The following SAP30BP variants were observed in gnomAD, a reference collection of about 807,000 sequenced individuals.
The protein encoded by SAP30BP is SAP30-binding protein.
In SAP30BP, 31 loss-of-function variants were observed where a neutral mutation model predicts 46.3. The ratio of observed to expected loss-of-function variants is 0.67; its 90% CI spans 0.50 to 0.90. The LOEUF is 0.90. Ranked by LOEUF, SAP30BP falls within the 40% of genes least tolerant of loss-of-function variation. The pLI, the probability that SAP30BP is intolerant of heterozygous loss-of-function variation, is 0.00. For missense variants in SAP30BP, 312 were observed against 391.0 expected (o/e 0.80, Z 1.70); for synonymous variants, 169 against 144.2 (o/e 1.17, Z -1.23).
intron 3 of SAP30BP, among the ~76,000 whole-genome samples, chr17:75,688,558 G>A (rs2060195840): frequency 1.3e-5 from 2 of 152,020 alleles, no homozygotes; most frequent in Admixed American, 6.6e-5. Context: ...AGATGCTGGC[G>A]GCTGCCTTTG....
chr17:75,704,551 A>G (rs1377514300), intron 8 of SAP30BP, among the ~76,000 whole-genome samples: 1 of 152,226 alleles, frequency 6.6e-6, no homozygotes, highest in Non-Finnish European at 1.5e-5. Flanking sequence ...TTCCGGGCAC[A>G]CACAGGGCAT....
intron 3 of SAP30BP, 111 bp from the exon 4 acceptor site, chr17:75,693,328 TG>T: frequency 1.2e-6 from 1 of 863,552 alleles, no homozygotes; most frequent in Non-Finnish European, 1.9e-6. Context: ...TTAGTGTTCC[TG>T]GCAGTGCTTT....
intron 4 of SAP30BP, among the ~76,000 whole-genome samples, chr17:75,698,809 A>G (rs1599160752): frequency 6.6e-6 from 1 of 152,230 alleles, no homozygotes; most frequent in African/African-American, 2.4e-5. Context: ...GGCAAATGCC[A>G]CAGATCATGG....
At chr17:75,680,481 A>G (rs781659151) in intron 3 of SAP30BP, among the ~76,000 whole-genome samples, 5 of 152,128 alleles carry the variant, frequency 3.3e-5, no homozygotes, top group Non-Finnish European at 5.9e-5. Context: ...ACAGGCCTGT[A>G]ACTTAAGCTT....
intron 5 of SAP30BP, among the ~76,000 whole-genome samples, chr17:75,701,790 G>A (rs570974191): frequency 2.6e-5 from 4 of 152,252 alleles, no homozygotes; most frequent in South Asian, 2.1e-4. Context: ...TAGTCCCTGC[G>A]TATCAACACC....
At chr17:75,672,984 C>T (rs1341596331) in intron 3 of SAP30BP, among the ~76,000 whole-genome samples, 1 of 151,248 alleles carries the variant, frequency 6.6e-6, no homozygotes, top group Non-Finnish European at 1.5e-5. Context: ...CAAAAAAAAA[C>T]TGCTTGGAAA....
intron 5 of SAP30BP, among the ~76,000 whole-genome samples, chr17:75,701,520 C>T (rs1233552649): frequency 6.6e-6 from 1 of 152,206 alleles, no homozygotes; most frequent in Non-Finnish European, 1.5e-5. Context: ...CTCCACTCTC[C>T]CATCGAAAGC....
At chr17:75,692,556 C>A (rs892904982) in intron 3 of SAP30BP, 1 of 969,326 alleles carries the variant, frequency 1.0e-6, no homozygotes, top group Non-Finnish European at 1.2e-6. Context: ...ACACTTGAGA[C>A]AATGGAGGCA....
chr17:75,706,399 C>G lies in SAP30BP; in HGVS notation c.805C>G (p.Pro269Ala), dbSNP rs1392859857. The G allele has an allele frequency of 1.2e-6, 2 of 1,614,106 alleles. No individual in the cohort carries two copies. Among genetic ancestry groups the G allele is most frequent in the East Asian group, 2.2e-5 (1 of 44,880 alleles). ...TATCCCAGTGACAACGATAGCCCAGCCCACCATCCTCACCACCACAGCCAC... is the reference window on the plus strand; with the variant it reads ...TATCCCAGTGACAACGATAGCCCAGGCCACCATCCTCACCACCACAGCCAC... ...SAIPVTTIAQ[P>A]TILTTTATLP... Residue 269 changes from proline to alanine, a missense_variant, in exon 11 of 11, where the codon CCC becomes GCC. Physicochemically the swap from Pro to Ala is conservative, Grantham distance 27. Around this residue, in one of 2 missense-constraint regions of SAP30BP, gnomAD observed 296 missense variants for 346.6 expected, o/e 0.85. Transcript: ENST00000584667. This position sits in a 1 kb window ranked among gnomAD's most constrained non-coding sequence, Gnocchi z 4.6.
chr17:75,700,677 C>A (rs535395971), intron 5 of SAP30BP, among the ~76,000 whole-genome samples: 1 of 152,338 alleles, frequency 6.6e-6, no homozygotes, highest in Admixed American at 6.5e-5. Context: ...GCACAGATTC[C>A]CTTCCCTTCC....
intron 6 of SAP30BP, 180 bp from the exon 7 acceptor site, chr17:75,703,131 C>G: frequency 1.6e-6 from 1 of 608,152 alleles, no homozygotes; most frequent in East Asian, 2.8e-5. Context: ...CTCCTCCCGG[C>G]CCCTAGCTAA....
chr17:75,707,226 G>A lies in SAP30BP; in HGVS notation c.*705G>A, dbSNP rs2060510749. 1 of 152,530 alleles carries A rather than the reference G, an allele frequency of 6.6e-6. No homozygotes were observed. Among genetic ancestry groups the A allele is most frequent in the Admixed American group, 6.5e-5 (1 of 15,302 alleles). 9.4% of individuals were successfully genotyped at this position (152,530 alleles called of 1,614,324 possible). On this transcript the variant is annotated 3_prime_UTR_variant, in exon 11 of 11. Coordinates refer to ENST00000584667, the MANE Select transcript of SAP30BP (RefSeq NM_013260.8). ...GCCCCAGTCCTTTGGTGCCCGGTGA[G>A]CGCAGCCAGCAGGAGCTGAGCAGCG...
At chr17:75,671,438 G>A (rs1236323027) in intron 2 of SAP30BP, among the ~76,000 whole-genome samples, 1 of 152,190 alleles carries the variant, frequency 6.6e-6, no homozygotes, top group Non-Finnish European at 1.5e-5. Flanking sequence ...TGAAATAACT[G>A]ATACTTCAGT....
chr17:75,693,581 T>A, intron 4 of SAP30BP, 99 bp downstream of exon 4: 1 of 1,104,702 alleles, frequency 9.1e-7, no homozygotes, highest in South Asian at 1.4e-5. Flanking sequence ...GGCTTCTGTC[T>A]GCTGTGAGCA....
intron 5 of SAP30BP, among the ~76,000 whole-genome samples, chr17:75,700,772 C>G (rs926090138): frequency 6.6e-6 from 1 of 152,242 alleles, no homozygotes; most frequent in Non-Finnish European, 1.5e-5. Context: ...AACCAGACAA[C>G]AAGCTCCAGC....
At chr17:75,702,843 A>G (rs2060434325) in intron 6 of SAP30BP, 1 of 332,432 alleles carries the variant, frequency 3.0e-6, no homozygotes, top group Admixed American at 4.4e-5. Flanking sequence ...CTCTGAGCCT[A>G]AAGCACATGA....
At chr17:75,686,149 A>T (rs779901905) in intron 3 of SAP30BP, among the ~76,000 whole-genome samples, 10 of 152,202 alleles carry the variant, frequency 6.6e-5, no homozygotes, top group African/African-American at 9.6e-5. Context: ...CCTTGTCTTC[A>T]GTCTACAAGG....
In SAP30BP at chr17:75,703,360, A is replaced by G. The variant is rs2060443920; in HGVS notation, c.538A>G (p.Asn180Asp). 6.2e-7 allele frequency: 1 copy of G among 1,613,872 alleles called. No individual in the cohort carries two copies. The highest frequency in any genetic ancestry group is 8.5e-7 in the Non-Finnish European group (1 of 1,179,946). ...QFCAIDELGT[N>D]YPKDMFDPHG... Reference sequence around the variant, plus strand: ...CTGTGCCATTGACGAGCTTGGCACCAACTACCCAAAGGTGCGTCTGGCACA... The same window carrying G: ...CTGTGCCATTGACGAGCTTGGCACCGACTACCCAAAGGTGCGTCTGGCACA... The change falls in exon 7 of 11, where the codon AAC becomes GAC. Residue 180 changes from asparagine to aspartate, a missense_variant. Asn to Asp is a conservative substitution (Grantham distance 23). This residue lies in a region of SAP30BP where 296 missense variants were observed against 346.6 expected (regional missense o/e 0.85). Coordinates refer to ENST00000584667, the MANE Select transcript of SAP30BP (RefSeq NM_013260.8).
At chr17:75,681,797 A>G (rs191212387) in intron 3 of SAP30BP, among the ~76,000 whole-genome samples, 1 of 152,290 alleles carries the variant, frequency 6.6e-6, no homozygotes, top group East Asian at 1.9e-4. Context: ...GGGATCTGAA[A>G]GGAAGATGCT....
Sources: gnomAD v4.1 joint callset for allele counts (sites outside exome capture counted in the v4.1 genomes callset) on GRCh38, gnomAD v4.1.1 for gene constraint, gnomAD v4.1.1 regional missense constraint, Gnocchi (gnomAD v3.1) non-coding constraint, MANE v1.5 for transcripts, NCBI Gene and HGNC (gene_info 2026-07-23, HGNC 2026-07-21) for gene names.